The following GMDS variants were observed in gnomAD, a reference collection of about 807,000 sequenced individuals.
GMDS encodes the protein GDP-mannose 4,6-dehydratase.
A neutral mutation model predicts 49.9 loss-of-function variants in GMDS; 20 were observed. The observed-to-expected ratio is 0.40, with a 90% CI of 0.28 to 0.58. The LOEUF is 0.58. GMDS is among the 20% of genes least tolerant of loss of function. The probability of loss-of-function intolerance (pLI) is 0.42; values close to 1 mark genes in which losing one functional copy is unlikely to be tolerated. For synonymous variants in GMDS, 177 were observed against 178.6 expected (o/e 0.99, Z 0.07); for missense variants, 362 against 481.4 (o/e 0.75, Z 2.32).
At chr6:1,916,787 C>T (rs1220347146) in intron 7 of GMDS, among the ~76,000 whole-genome samples, 2 of 152,062 alleles carry the variant, frequency 1.3e-5, no homozygotes, top group African/African-American at 2.4e-5. Flanking sequence ...TCCCAGAGGC[C>T]CAGGCAGATG....
chr6:2,114,338 C>T (rs1317550303), intron 4 of GMDS, among the ~76,000 whole-genome samples: 1 of 152,118 alleles, frequency 6.6e-6, no homozygotes, highest in Non-Finnish European at 1.5e-5. Flanking sequence ...GGTCAAGAAG[C>T]AGCCAGATGA....
At chr6:2,076,473 A>G (rs1772346582) in intron 4 of GMDS, among the ~76,000 whole-genome samples, 1 of 152,238 alleles carries the variant, frequency 6.6e-6, no homozygotes, top group Non-Finnish European at 1.5e-5. Context: ...AGCCAAAAGA[A>G]TAATGCTGGA....
intron 1 of GMDS, among the ~76,000 whole-genome samples, chr6:2,242,321 G>A (rs1781650028): frequency 6.6e-6 from 1 of 152,240 alleles, no homozygotes; most frequent in South Asian, 2.1e-4. Context: ...AAGAGTGGCT[G>A]GCAGAGGGCC....
At chr6:2,105,829 G>C (rs1201797686) in intron 4 of GMDS, among the ~76,000 whole-genome samples, 2 of 152,158 alleles carry the variant, frequency 1.3e-5, no homozygotes, top group African/African-American at 4.8e-5. Flanking sequence ...TTCTCTATCA[G>C]CTCCCATTTA....
chr6:1,761,841 T>C lies in GMDS; in HGVS notation c.772-19255A>G, dbSNP rs548010056. 2.6e-5 allele frequency among the ~76,000 whole-genome samples: 4 copies of C among 152,270 alleles called. No homozygotes were observed. In the South Asian group the frequency reaches 8.3e-4, roughly 32 times the overall value. ...CATATTCTGCTCTCCTGCCAATTTTTCTTCCAAGTACACAATGATTTATTT... is the reference window on the plus strand; with the variant it reads ...CATATTCTGCTCTCCTGCCAATTTTCCTTCCAAGTACACAATGATTTATTT... On this transcript the variant is annotated intron_variant, in intron 7 of 10. Transcript: ENST00000380815.
chr6:2,136,454 T>C (rs1397255335), intron 1 of GMDS, among the ~76,000 whole-genome samples: 1 of 152,244 alleles, frequency 6.6e-6, no homozygotes, highest in Non-Finnish European at 1.5e-5. Context: ...TGGTGGCTCC[T>C]TCCTATAATT....
intron 9 of GMDS, among the ~76,000 whole-genome samples, chr6:1,636,463 T>C (rs188563226): frequency 6.6e-6 from 1 of 152,350 alleles, no homozygotes; most frequent in Non-Finnish European, 1.5e-5. Context: ...TCAAAGTTAC[T>C]TTCACTTCAT....
At chr6:1,979,972 G>C (rs952555338) in intron 4 of GMDS, among the ~76,000 whole-genome samples, 1 of 152,158 alleles carries the variant, frequency 6.6e-6, no homozygotes, top group South Asian at 2.1e-4. Flanking sequence ...GGAGATTTAA[G>C]ATCCTTTTCA....
At chr6:2,106,239 T>C (rs774049021) in intron 4 of GMDS, among the ~76,000 whole-genome samples, 1 of 152,216 alleles carries the variant, frequency 6.6e-6, no homozygotes, top group Non-Finnish European at 1.5e-5. Context: ...ACTGGTAAGG[T>C]ATCCAATTAA....
chr6:2,123,949 C>G (rs1775277682), intron 2 of GMDS, among the ~76,000 whole-genome samples: 1 of 151,834 alleles, frequency 6.6e-6, no homozygotes, highest in South Asian at 2.1e-4. Context: ...ATTTTTAAAA[C>G]AACGTACCAA....
chr6:2,113,060 C>T lies in GMDS; in HGVS notation c.345+2711G>A, dbSNP rs575299036. Among the ~76,000 whole-genome samples the T allele has an allele frequency of 2.0e-5, 3 of 152,316 alleles. No homozygotes were observed. The South Asian group carries it at 6.2e-4, about 32-fold the overall frequency. ...CAGCATATTTGAAGCTACCTTATAG[C>T]CTGCTTCCCTTGAATGTCCTTCAAG... On this transcript the variant is annotated intron_variant, in intron 4 of 10. Coordinates refer to ENST00000380815, the MANE Select transcript of GMDS (RefSeq NM_001500.4).
At chr6:1,937,245 T>C (rs1762598759) in intron 6 of GMDS, among the ~76,000 whole-genome samples, 1 of 152,148 alleles carries the variant, frequency 6.6e-6, no homozygotes, top group Non-Finnish European at 1.5e-5. Flanking sequence ...CAAATCCCTG[T>C]GGTTCCGTGA....
At chr6:1,810,033 G>A (rs751876915) in intron 7 of GMDS, among the ~76,000 whole-genome samples, 2 of 150,438 alleles carry the variant, frequency 1.3e-5, no homozygotes, top group Non-Finnish European at 3.0e-5. Context: ...CTTCGGTTAC[G>A]CAGCTCAACT....
At position 2,025,195 on chromosome 6, in the gene GMDS, A is replaced by C. The variant is rs57129381; in HGVS notation, c.346-64229T>G. 4.7e-3 allele frequency among the ~76,000 whole-genome samples: 712 copies of C among 152,254 alleles called. 5 individuals carry two copies. The highest frequency in any genetic ancestry group is 0.017 in the African/African-American group (686 of 41,570). On this transcript the variant is annotated intron_variant, in intron 4 of 10. Transcript: ENST00000380815. ...GGAACAGAAGAAAACAACTCAAAGA[A>C]AGAAGACATTAAAGTTGATTTTTAT...
intron 4 of GMDS, among the ~76,000 whole-genome samples, chr6:2,007,836 A>G (rs982558956): frequency 6.6e-6 from 1 of 152,194 alleles, no homozygotes; most frequent in African/African-American, 2.4e-5. Flanking sequence ...GGTATATTTC[A>G]GGGGAAAAAT....
At chr6:1,641,633 G>A (rs1273563566) in intron 9 of GMDS, among the ~76,000 whole-genome samples, 4 of 152,210 alleles carry the variant, frequency 2.6e-5, no homozygotes, top group South Asian at 2.1e-4. Context: ...CCAGACAGGA[G>A]CGCTCCATTC....
intron 7 of GMDS, among the ~76,000 whole-genome samples, chr6:1,789,091 T>C (rs754917851): frequency 1.3e-5 from 2 of 152,188 alleles, no homozygotes; most frequent in Non-Finnish European, 2.9e-5. Flanking sequence ...GACAGTGTTA[T>C]TAGAAAGGAT....
rs1245196327 is a variant in GMDS at position 1,652,444 on chromosome 6, T to TATATAA, written c.988-27905_988-27904insTTATAT. Among the ~76,000 whole-genome samples, 25 of 12,438 alleles carry TATATAA rather than the reference T, an allele frequency of 2.0e-3. 4 individuals are homozygous for TATATAA. The highest frequency in any genetic ancestry group is 7.9e-3 in the African/African-American group (25 of 3,180). The allele number at this position is 12,438 out of a possible 152,430, so 8.2% of individuals were successfully genotyped here. A position where few individuals can be genotyped will look rare whatever the true frequency, so the allele number is the denominator to read the frequency against. On this transcript the variant is annotated intron_variant, in intron 9 of 10. Transcript: ENST00000380815. The stretch of plus-strand genomic sequence containing the variant: ...TATATATATAATATATTATATATAT[T>TATATAA]TATATATTATTTATATATAATATAT...
At chr6:1,654,553 A>T (rs1336733146) in intron 9 of GMDS, among the ~76,000 whole-genome samples, 1 of 152,190 alleles carries the variant, frequency 6.6e-6, no homozygotes, top group Non-Finnish European at 1.5e-5. Context: ...TGAAGTTCCT[A>T]GAGTAGTCAA....
Sources: allele counts gnomAD v4.1 joint callset (sites outside exome capture counted in the v4.1 genomes callset), GRCh38; gene constraint gnomAD v4.1.1; transcripts MANE v1.5; gene names NCBI Gene and HGNC (gene_info 2026-07-23, HGNC 2026-07-21).